PPM1L: variants seen among roughly 807,000 people sequenced by gnomAD.
The protein encoded by PPM1L is protein phosphatase, Mg2+/Mn2+ dependent 1L.
Under a neutral mutation model 31.4 loss-of-function variants are expected in PPM1L, and 13 were observed. That is an observed-to-expected ratio of 0.41 (90% CI 0.27 to 0.66). The LOEUF is 0.66. Among genes scored for constraint, PPM1L ranks in the 30% least tolerant of loss-of-function variants. The pLI is 0.29. For missense variants in PPM1L, 326 were observed against 453.7 expected (o/e 0.72, Z 2.56); for synonymous variants, 184 against 175.4 (o/e 1.05, Z -0.39).
intron 1 of PPM1L, among the ~76,000 whole-genome samples, chr3:160,920,052 C>G (rs555384779): frequency 1.1e-4 from 16 of 152,200 alleles, no homozygotes; most frequent in Admixed American, 9.2e-4. Flanking sequence ...CCTGAGCCAT[C>G]ACTATGGTCA....
At chr3:160,948,027 T>G (rs1715463598) in intron 1 of PPM1L, among the ~76,000 whole-genome samples, 2 of 152,168 alleles carry the variant, frequency 1.3e-5, no homozygotes, top group South Asian at 4.1e-4. Flanking sequence ...GAAGCAGTAA[T>G]GTTAATATAA....
rs767657056 is a variant in PPM1L, at chr3:160,756,569, G to A, written c.261G>A (p.Glu87=). 30 of 1,614,060 alleles carry A rather than the reference G, an allele frequency of 1.9e-5. 1 individual carries two copies. In the South Asian group the frequency reaches 2.2e-4, roughly 12 times the overall value. Residue 87 remains glutamate (E), a synonymous_variant, in exon 1 of 4, where the codon GAG becomes GAA. Transcript: ENST00000498165. This position sits in a 1 kb window ranked among gnomAD's most constrained non-coding sequence, Gnocchi z 6.2. ...AGGCCGAGTTTTCCAAGACCTGGGA[G>A]TTCAAGAACCACAACGTGGCGGTGT... ...VLEAEFSKTW[E]FKNHNVAVYS... is the part of the protein sequence containing the mutation.
chr3:160,858,584 T>A (rs919472330), intron 1 of PPM1L, among the ~76,000 whole-genome samples: 1 of 152,200 alleles, frequency 6.6e-6, no homozygotes, highest in Non-Finnish European at 1.5e-5. Context: ...GTTTTTATAA[T>A]GAATGGGACT....
chr3:160,772,570 A>G (rs950227296), intron 1 of PPM1L, among the ~76,000 whole-genome samples: 5 of 152,342 alleles, frequency 3.3e-5, no homozygotes, highest in African/African-American at 1.2e-4. Flanking sequence ...AGTATGATGC[A>G]TACAATAAAC....
intron 1 of PPM1L, among the ~76,000 whole-genome samples, chr3:160,833,796 AT>A (rs956666058): frequency 4.2e-4 from 62 of 148,414 alleles, no homozygotes; most frequent in African/African-American, 5.9e-4. Flanking sequence ...TCATTTGTCA[AT>A]TTTTTTTTTG....
At chr3:161,046,123 A>AAAAAAAAAAG (rs1719057117) in intron 2 of PPM1L, among the ~76,000 whole-genome samples, 5 of 150,288 alleles carry the variant, frequency 3.3e-5, no homozygotes, top group Admixed American at 6.7e-5. Context: ...AAAAAAAAAA[A>AAAAAAAAAAG]AAAAAAAAAA....
At chr3:160,971,313 G>T (rs1253526968) in intron 2 of PPM1L, among the ~76,000 whole-genome samples, 1 of 152,096 alleles carries the variant, frequency 6.6e-6, no homozygotes, top group East Asian at 1.9e-4. Flanking sequence ...AACAGTTATT[G>T]GTTCATTCAT....
intron 1 of PPM1L, among the ~76,000 whole-genome samples, chr3:160,904,715 T>TG (rs139265920): frequency 7.5e-6 from 1 of 133,406 alleles, no homozygotes; most frequent in South Asian, 2.4e-4. Flanking sequence ...CATTATATTA[T>TG]GGGGGGAAGA....
Position 160,850,155 on chromosome 3 carries a change from G to A in PPM1L, c.399+93448G>A, listed in dbSNP as rs191565937. Reference sequence around the variant, plus strand: ...AGTGTGTCCTTAGGTTTGATCATTTGCTAGAATGGTGCACAGAACACAGGG... The same window carrying A: ...AGTGTGTCCTTAGGTTTGATCATTTACTAGAATGGTGCACAGAACACAGGG... On this transcript the variant is annotated intron_variant, in intron 1 of 3. Coordinates refer to ENST00000498165, the MANE Select transcript of PPM1L (RefSeq NM_139245.4). Among the ~76,000 whole-genome samples, 14 of 152,296 alleles carry A rather than the reference G, an allele frequency of 9.2e-5. No homozygotes were observed. The East Asian group carries it at 2.5e-3, about 27-fold the overall frequency.
In PPM1L at chr3:160,798,207, T is replaced by A. The variant is rs370058679; in HGVS notation, c.399+41500T>A. On this transcript the variant is annotated intron_variant, in intron 1 of 3. Coordinates refer to ENST00000498165, the MANE Select transcript of PPM1L (RefSeq NM_139245.4). Reference sequence around the variant, plus strand: ...ACAAAAACAAACAAACAAACAAAAATGCCAGGTGAAGCAGCAAATAATGCA... The same window carrying A: ...ACAAAAACAAACAAACAAACAAAAAAGCCAGGTGAAGCAGCAAATAATGCA... Among the ~76,000 whole-genome samples the A allele has an allele frequency of 9.6e-3, 1,452 of 151,972 alleles. 22 individuals are homozygous for A. The highest frequency in any genetic ancestry group is 0.032 in the African/African-American group (1,338 of 41,400).
intron 1 of PPM1L, among the ~76,000 whole-genome samples, chr3:160,854,642 A>G (rs952968363): frequency 2.0e-5 from 3 of 152,086 alleles, no homozygotes; most frequent in South Asian, 2.1e-4. Context: ...ACCCCTAGGA[A>G]TACGGCAGAT....
rs573752238 is a variant in PPM1L, at chr3:160,873,111, A to G, written c.400-88625A>G. 3.3e-5 allele frequency among the ~76,000 whole-genome samples: 5 copies of G among 152,336 alleles called. No homozygotes were observed. In the East Asian group the frequency reaches 5.8e-4, roughly 18 times the overall value. On this transcript the variant is annotated intron_variant, in intron 1 of 3. Transcript: ENST00000498165. ...GTGCAAAATTTCCTTGCATATGAAC[A>G]GTTACCTTGGCATGGACTCTTTTCT...
intron 1 of PPM1L, among the ~76,000 whole-genome samples, chr3:160,761,720 G>A (rs540090653): frequency 6.6e-6 from 1 of 152,290 alleles, no homozygotes; most frequent in South Asian, 2.1e-4. Context: ...CCAAGGCTGG[G>A]AAATTTACAA....
chr3:160,770,999 A>C (rs576570690), intron 1 of PPM1L, among the ~76,000 whole-genome samples: 2 of 152,308 alleles, frequency 1.3e-5, no homozygotes, highest in East Asian at 3.9e-4. Flanking sequence ...GCCCATAAAG[A>C]GCAGTGTACA....
At chr3:160,963,824 A>G (rs532889710) in intron 2 of PPM1L, among the ~76,000 whole-genome samples, 2 of 152,184 alleles carry the variant, frequency 1.3e-5, no homozygotes, top group South Asian at 2.1e-4. Flanking sequence ...AGGCTTGCAC[A>G]TGGCTTTTAG....
At chr3:160,806,001 CT>C (rs1560111787) in intron 1 of PPM1L, among the ~76,000 whole-genome samples, 1 of 152,330 alleles carries the variant, frequency 6.6e-6, no homozygotes, top group Middle Eastern at 3.4e-3. Context: ...CCCCTGCCCC[CT>C]GTGACATCCT....
intron 2 of PPM1L, among the ~76,000 whole-genome samples, chr3:161,059,970 T>A (rs1719521944): frequency 6.6e-6 from 1 of 152,160 alleles, no homozygotes; most frequent in South Asian, 2.1e-4. Flanking sequence ...TCCAGAATCA[T>A]GAGCCAATTA....
chr3:160,805,305 G>A (rs73877964), intron 1 of PPM1L, among the ~76,000 whole-genome samples: 11,311 of 152,118 alleles, frequency 0.074, 1,353 homozygotes, highest in African/African-American at 0.26. Context: ...AATTTGAGAA[G>A]TGAAAAAGTA....
chr3:160,816,373 A>G (rs1712995728), intron 1 of PPM1L, among the ~76,000 whole-genome samples: 1 of 151,940 alleles, frequency 6.6e-6, no homozygotes, highest in African/African-American at 2.4e-5. Flanking sequence ...TTCTGTGAAA[A>G]ACAACATTTT....
Sources: allele counts gnomAD v4.1 joint callset (sites outside exome capture counted in the v4.1 genomes callset), GRCh38; gene constraint gnomAD v4.1.1; non-coding constraint Gnocchi (gnomAD v3.1); transcripts MANE v1.5; gene names NCBI Gene and HGNC (gene_info 2026-07-23, HGNC 2026-07-21).